Variants in ASAP2 observed in about 807,000 individuals in gnomAD.
ASAP2 encodes arf-GAP with SH3 domain, ANK repeat and PH domain-containing protein 2.
ASAP2 carries 45 observed loss-of-function variants against 131.4 expected under a neutral mutation model. That is an observed-to-expected ratio of 0.34 (90% CI 0.27 to 0.44). The LOEUF is 0.44. Ranked by LOEUF, ASAP2 falls within the 20% of genes least tolerant of loss-of-function variation. ASAP2 has a pLI of 1.00. For missense variants in ASAP2, 1,011 were observed against 1,297.0 expected, an observed-to-expected ratio of 0.78 and a Z score of 3.39; for synonymous variants, 510 against 503.0, an observed-to-expected ratio of 1.01 and a Z score of -0.19.
intron 3 of ASAP2, among the ~76,000 whole-genome samples, chr2:9,313,119 G>C (rs1669416314): frequency 6.6e-6 from 1 of 152,112 alleles, no homozygotes; most frequent in South Asian, 2.1e-4. Flanking sequence ...CTAGGCTGCG[G>C]GCCCTGTTCC....
At chr2:9,397,371 A>G (rs556680194) in intron 24 of ASAP2, among the ~76,000 whole-genome samples, 294 of 152,230 alleles carry the variant, frequency 1.9e-3, no homozygotes, top group African/African-American at 6.5e-3. Flanking sequence ...CTGGAACACA[A>G]TTTTACCTGG....
chr2:9,209,289 A>G (rs1429805561), intron 1 of ASAP2, among the ~76,000 whole-genome samples: 1 of 152,252 alleles, frequency 6.6e-6, no homozygotes, highest in East Asian at 1.9e-4. Context: ...TAAATTTGAA[A>G]GTTGTTCACT....
At chr2:9,297,497 C>T (rs756843927) in intron 3 of ASAP2, 52 bp downstream of exon 3, 2 of 1,602,232 alleles carry the variant, frequency 1.2e-6, no homozygotes, top group Non-Finnish European at 1.7e-6. Context: ...GGGAAAGTGG[C>T]TCAGTAGAGG....
chr2:9,266,023 C>T (rs1252254672), intron 1 of ASAP2, among the ~76,000 whole-genome samples: 1 of 152,188 alleles, frequency 6.6e-6, no homozygotes, highest in African/African-American at 2.4e-5. Flanking sequence ...ATCCACCCCC[C>T]CACCCCCTGC....
chr2:9,312,240 A>G lies in ASAP2; in HGVS notation c.346-6284A>G, dbSNP rs570962339. On this transcript the variant is annotated intron_variant, in intron 3 of 27. Coordinates refer to ENST00000281419, the MANE Select transcript of ASAP2 (RefSeq NM_003887.3). ...CTACTTTTCAATCTCTATTATAATA[A>G]TTTATTTTCTGATTAGAAAAGTAAT... is the stretch of plus-strand genomic sequence containing the variant. Among the ~76,000 whole-genome samples, 8 of 152,296 alleles carry G rather than the reference A, an allele frequency of 5.3e-5. No individual in the cohort carries two copies. In the East Asian group the frequency reaches 1.2e-3, roughly 22 times the overall value.
rs1325300108 is a variant in ASAP2 at position 9,207,651 on chromosome 2, C to T, written c.126+421C>T. On this transcript the variant is annotated intron_variant, in intron 1 of 27. Coordinates refer to ENST00000281419, the MANE Select transcript of ASAP2 (RefSeq NM_003887.3). This position sits in a 1 kb window ranked among gnomAD's most constrained non-coding sequence, Gnocchi z 4.1. ...CGGGGGCAGCTCCGCGCTCCGAGCTCCCCGCCGCAGCCCCCGAGCGCCGCA... is the reference window on the plus strand; with the variant it reads ...CGGGGGCAGCTCCGCGCTCCGAGCTTCCCGCCGCAGCCCCCGAGCGCCGCA... Among the ~76,000 whole-genome samples, 3 of 152,130 alleles carry T rather than the reference C, an allele frequency of 2.0e-5. No individual in the cohort carries two copies. The highest frequency in any genetic ancestry group is 4.1e-4 in the South Asian group (2 of 4,824).
intron 24 of ASAP2, 169 bp from the exon 25 acceptor site, chr2:9,399,854 G>A (rs1676476295): frequency 1.5e-6 from 1 of 660,798 alleles, no homozygotes; most frequent in Admixed American, 2.8e-5. Flanking sequence ...CTTTCCTCAG[G>A]GCCTCTCATT....
At chr2:9,317,116 A>AGTC (rs1558324116) in intron 3 of ASAP2, among the ~76,000 whole-genome samples, 4 of 36,180 alleles carry the variant, frequency 1.1e-4, no homozygotes, top group African/African-American at 3.5e-4. Flanking sequence ...TACCCCACGC[A>AGTC]ATCACAACCA....
At chr2:9,248,268 T>C (rs771250155) in intron 1 of ASAP2, among the ~76,000 whole-genome samples, 2 of 152,178 alleles carry the variant, frequency 1.3e-5, no homozygotes, top group Non-Finnish European at 2.9e-5. Context: ...CAATACTGAG[T>C]ATTTAAGCCA....
At chr2:9,228,758 G>A (rs1332495275) in intron 1 of ASAP2, among the ~76,000 whole-genome samples, 1 of 152,118 alleles carries the variant, frequency 6.6e-6, no homozygotes, top group East Asian at 1.9e-4. Context: ...AATTATTTCT[G>A]GTGATACCTA....
At chr2:9,208,730 G>C (rs1284547354) in intron 1 of ASAP2, among the ~76,000 whole-genome samples, 1 of 152,106 alleles carries the variant, frequency 6.6e-6, no homozygotes, top group Non-Finnish European at 1.5e-5. Context: ...GATGGGGATG[G>C]GTGAATGAAA....
chr2:9,245,882 A>G (rs1193725165), intron 1 of ASAP2, among the ~76,000 whole-genome samples: 4 of 152,190 alleles, frequency 2.6e-5, no homozygotes, highest in Admixed American at 2.0e-4. Flanking sequence ...CTTGTTCTCA[A>G]TAAATAGTTT....
chr2:9,271,017 T>G (rs1464251462), intron 1 of ASAP2, among the ~76,000 whole-genome samples: 2 of 151,744 alleles, frequency 1.3e-5, no homozygotes, highest in African/African-American at 4.8e-5. Context: ...ATAGTCTCGA[T>G]CTCGTGACCT....
intron 21 of ASAP2, among the ~76,000 whole-genome samples, chr2:9,387,082 G>GT (rs1558392626): frequency 6.6e-6 from 1 of 150,480 alleles, no homozygotes; most frequent in Non-Finnish European, 1.5e-5. Context: ...GGTGGGTGGG[G>GT]GGGCGCCTGT....
Position 9,400,946 on chromosome 2 carries a change from G to A in ASAP2, c.2823+116G>A, listed in dbSNP as rs1676611489. The A allele has an allele frequency of 2.8e-6, 3 of 1,086,264 alleles. No homozygotes were observed. In the South Asian group the frequency reaches 4.3e-5, roughly 15 times the overall value. 67.3% of individuals were successfully genotyped at this position (1,086,264 alleles called of 1,614,324 possible). A position where few individuals can be genotyped will look rare whatever the true frequency, so the allele number is the denominator to read the frequency against. ...TCTTCCCCTGGCTGGGGCAGGGCGG[G>A]GCTCTTCTTGGTACCTGACTGCTTG... On this transcript the variant is annotated intron_variant, in intron 26 of 27. Transcript: ENST00000281419.
rs142012658 is a variant in ASAP2 at position 9,251,650 on chromosome 2, TG to T, written c.127-27661del. On this transcript the variant is annotated intron_variant, in intron 1 of 27. Transcript: ENST00000281419. ...CTTGGGAGAAGGGGAAGGGAGCAGC[TG>T]GGGGGCGCACCTTGTTGAATTCATG... is the stretch of plus-strand genomic sequence containing the variant. Among the ~76,000 whole-genome samples, 824 of 152,154 alleles carry T rather than the reference TG, an allele frequency of 5.4e-3. 6 individuals are homozygous for T. The highest frequency in any genetic ancestry group is 0.019 in the African/African-American group (792 of 41,522).
intron 1 of ASAP2, among the ~76,000 whole-genome samples, chr2:9,264,374 CT>C: frequency 6.6e-6 from 1 of 152,244 alleles, no homozygotes; most frequent in East Asian, 1.9e-4. Flanking sequence ...CCACTGTCCC[CT>C]TCCCCATCAG....
chr2:9,374,829 C>T lies in ASAP2; in HGVS notation c.1631C>T (p.Ala544Val), dbSNP rs1288315741. 1.1e-5 allele frequency: 17 copies of T among 1,614,072 alleles called. No homozygotes were observed. Among genetic ancestry groups the T allele is most frequent in the South Asian group, 5.5e-5 (5 of 91,070 alleles). ...RYARKKHADN[A>V]AKLHSLCEAV... ...GCAAGGAAGAAGCACGCGGATAACG[C>T]GGCGAAGCTTCACAGTCTTTGCGAG... The change falls in exon 17 of 28, where the codon GCG becomes GTG. Residue 544 changes from alanine to valine, a missense_variant. By Grantham distance (64) the Ala-to-Val change is moderately conservative. Coordinates refer to ENST00000281419, the MANE Select transcript of ASAP2 (RefSeq NM_003887.3).
chr2:9,320,501 A>G (rs1236369840), intron 5 of ASAP2, among the ~76,000 whole-genome samples, 164 bp downstream of exon 5: 1 of 152,200 alleles, frequency 6.6e-6, no homozygotes, highest in Non-Finnish European at 1.5e-5. Flanking sequence ...GTGTTTGGTG[A>G]TGCTGTCTTC....
Sources: allele counts gnomAD v4.1 joint callset (sites outside exome capture counted in the v4.1 genomes callset), GRCh38; gene constraint gnomAD v4.1.1; non-coding constraint Gnocchi (gnomAD v3.1); transcripts MANE v1.5; gene names NCBI Gene and HGNC (gene_info 2026-07-23, HGNC 2026-07-21).